The following CTNNBL1 variants were observed in gnomAD, a reference collection of about 807,000 sequenced individuals.
CTNNBL1 encodes beta-catenin-like protein 1.
Under a neutral mutation model 72.7 loss-of-function variants are expected in CTNNBL1, and 31 were observed. The observed-to-expected ratio is 0.43, with a 90% CI of 0.32 to 0.58. The LOEUF (loss-of-function observed/expected upper bound fraction) is 0.58. Ranked by LOEUF, CTNNBL1 falls within the 20% of genes least tolerant of loss-of-function variation. The pLI, the probability that CTNNBL1 is intolerant of heterozygous loss-of-function variation, is 0.08. For missense variants in CTNNBL1, 534 were observed against 725.1 expected (o/e 0.74, Z 3.03); for synonymous variants, 240 against 267.3 (o/e 0.90, Z 1.00).
intron 1 of CTNNBL1, among the ~76,000 whole-genome samples, chr20:37,701,511 G>T (rs1439459402): frequency 6.6e-6 from 1 of 152,276 alleles, no homozygotes; most frequent in Admixed American, 6.5e-5. Context: ...AAGTATTATG[G>T]GAGCACAATG....
At chr20:37,794,045 C>G (rs914868053) in intron 10 of CTNNBL1, among the ~76,000 whole-genome samples, 1 of 152,224 alleles carries the variant, frequency 6.6e-6, no homozygotes, top group African/African-American at 2.4e-5. Context: ...TCCCAAACTG[C>G]TGGGATTATA....
intron 5 of CTNNBL1, among the ~76,000 whole-genome samples, chr20:37,758,899 G>A (rs1345008083): frequency 3.3e-5 from 5 of 152,176 alleles, no homozygotes; most frequent in Non-Finnish European, 5.9e-5. Flanking sequence ...AGATGATCCC[G>A]AAACCCCACT....
At chr20:37,694,481 G>T (rs1358605836) in intron 1 of CTNNBL1, among the ~76,000 whole-genome samples, 1 of 152,146 alleles carries the variant, frequency 6.6e-6, no homozygotes, top group Non-Finnish European at 1.5e-5. Context: ...TGAGGTGATG[G>T]TGGTGGCGGC....
At chr20:37,699,457 C>T (rs1003961738) in intron 1 of CTNNBL1, among the ~76,000 whole-genome samples, 18 of 152,308 alleles carry the variant, frequency 1.2e-4, no homozygotes, top group African/African-American at 4.1e-4. Flanking sequence ...AGCTGCCTGC[C>T]GAAAGCCAGA....
chr20:37,698,293 T>C (rs769451173), intron 1 of CTNNBL1, among the ~76,000 whole-genome samples: 1 of 152,224 alleles, frequency 6.6e-6, no homozygotes, highest in Non-Finnish European at 1.5e-5. Context: ...GGCATGCTCA[T>C]GTCCAGCTGG....
intron 11 of CTNNBL1, among the ~76,000 whole-genome samples, chr20:37,819,141 C>T (rs949775136): frequency 1.4e-4 from 21 of 152,152 alleles, no homozygotes; most frequent in African/African-American, 4.8e-4. Context: ...ATTGTCAAAT[C>T]GCCTTTGTGT....
intron 3 of CTNNBL1, among the ~76,000 whole-genome samples, chr20:37,741,964 AT>A (rs1359966134): frequency 1.3e-5 from 2 of 151,860 alleles, no homozygotes; most frequent in Non-Finnish European, 2.9e-5. Context: ...AGCACAGTCT[AT>A]TCTACCATCT....
intron 4 of CTNNBL1, 66 bp from the exon 5 acceptor site, chr20:37,757,493 A>T: frequency 9.1e-7 from 1 of 1,102,632 alleles, no homozygotes; most frequent in Non-Finnish European, 1.4e-6. Flanking sequence ...AACGGAAGGG[A>T]ATCAAGGATT....
intron 11 of CTNNBL1, among the ~76,000 whole-genome samples, chr20:37,827,561 T>A (rs987852648): frequency 6.6e-6 from 1 of 152,222 alleles, no homozygotes; most frequent in Non-Finnish European, 1.5e-5. Flanking sequence ...TAGCGTTCTC[T>A]ACAGCAGACT....
chr20:37,842,442 T>A (rs375421773), intron 13 of CTNNBL1, 23 bp downstream of exon 13: 1 of 1,569,964 alleles, frequency 6.4e-7, no homozygotes, highest in African/African-American at 1.3e-5. Context: ...GCCTCACTTT[T>A]GCCAGCTATT....
intron 1 of CTNNBL1, among the ~76,000 whole-genome samples, chr20:37,721,113 T>C (rs1171637897): frequency 6.6e-6 from 1 of 152,210 alleles, no homozygotes; most frequent in East Asian, 1.9e-4. Flanking sequence ...CATCCGTTAA[T>C]AACTGATGGT....
chr20:37,764,289 T>C (rs1286874708), intron 5 of CTNNBL1, among the ~76,000 whole-genome samples: 2 of 152,206 alleles, frequency 1.3e-5, no homozygotes, highest in Admixed American at 6.5e-5. Flanking sequence ...CATTACCAGA[T>C]GGATCATCCC....
Position 37,767,049 on chromosome 20 carries a change from G to A in CTNNBL1, c.659-904G>A, listed in dbSNP as rs557191871. On this transcript the variant is annotated intron_variant, in intron 6 of 15. Transcript: ENST00000361383. ...TTAACTTGCCACTGGGGAGGCTGAT[G>A]TGGGCAAAGGAGTGAGAAAGAAGAC... is the stretch of plus-strand genomic sequence containing the variant. 2.6e-3 allele frequency among the ~76,000 whole-genome samples: 399 copies of A among 152,262 alleles called. 2 individuals are homozygous for A. The highest frequency in any genetic ancestry group is 8.9e-3 in the African/African-American group (369 of 41,520).
chr20:37,824,080 C>T (rs2072135520), intron 11 of CTNNBL1, among the ~76,000 whole-genome samples: 1 of 152,180 alleles, frequency 6.6e-6, no homozygotes, highest in Non-Finnish European at 1.5e-5. Context: ...GTTTAAATTA[C>T]TTTAGATGAG....
At chr20:37,856,647 G>T (rs531421975) in intron 13 of CTNNBL1, among the ~76,000 whole-genome samples, 11 of 151,256 alleles carry the variant, frequency 7.3e-5, no homozygotes, top group African/African-American at 2.7e-4. Flanking sequence ...TACCTCTAAG[G>T]TGCTCCATTC....
At chr20:37,865,226 C>T (rs892320477) in intron 15 of CTNNBL1, among the ~76,000 whole-genome samples, 2 of 152,118 alleles carry the variant, frequency 1.3e-5, no homozygotes, top group African/African-American at 2.4e-5. Flanking sequence ...AACAGGCATA[C>T]GTCCCTCACA....
At chr20:37,851,563 T>C (rs2072397495) in intron 13 of CTNNBL1, among the ~76,000 whole-genome samples, 1 of 152,254 alleles carries the variant, frequency 6.6e-6, no homozygotes, top group African/African-American at 2.4e-5. Flanking sequence ...CTTTTTCCTT[T>C]TTTGAACTAT....
intron 10 of CTNNBL1, among the ~76,000 whole-genome samples, chr20:37,793,433 A>G (rs2073743725): frequency 6.6e-6 from 1 of 152,240 alleles, no homozygotes; most frequent in Non-Finnish European, 1.5e-5. Context: ...TTATATTAAT[A>G]TAGCCACTAC....
intron 10 of CTNNBL1, among the ~76,000 whole-genome samples, chr20:37,789,576 T>A (rs960786087): frequency 6.6e-6 from 1 of 152,212 alleles, no homozygotes; most frequent in Admixed American, 6.5e-5. Context: ...ACTGTAACAG[T>A]GCCCTCATTG....
Sources: allele counts gnomAD v4.1 joint callset (sites outside exome capture counted in the v4.1 genomes callset), GRCh38; gene constraint gnomAD v4.1.1; transcripts MANE v1.5; gene names NCBI Gene and HGNC (gene_info 2026-07-23, HGNC 2026-07-21).